Variants in ACSF3 observed in about 807,000 individuals in gnomAD.
ACSF3 encodes the protein acyl-CoA synthetase family member 3, also known as malonate--CoA ligase ACSF3, mitochondrial.
In ACSF3, 78 loss-of-function variants were observed where a neutral mutation model predicts 53.2. The ratio of observed to expected loss-of-function variants is 1.47; its 90% confidence interval spans 1.22 to 1.77. ACSF3 has a LOEUF of 1.77. ACSF3 is among the 40% of genes most tolerant of loss of function. The pLI, the probability that ACSF3 is intolerant of heterozygous loss-of-function variation, is 0.00. For synonymous variants in ACSF3, 414 were observed against 333.1 expected (o/e 1.24, Z -2.65); for missense variants, 937 against 771.1 (o/e 1.22, Z -2.55).
At chr16:89,102,535 G>A (rs1247765389) in intron 3 of ACSF3, 69 bp from the exon 4 acceptor site, 25 of 1,586,244 alleles carry the variant, frequency 1.6e-5, no homozygotes, top group South Asian at 1.3e-4. Flanking sequence ...CCGTGAGCCC[G>A]AGGTCTGTGT....
chr16:89,136,064 T>C (rs1910396507), intron 8 of ACSF3, among the ~76,000 whole-genome samples: 1 of 152,280 alleles, frequency 6.6e-6, no homozygotes, highest in African/African-American at 2.4e-5. Flanking sequence ...CGTCAGCCAC[T>C]GCGTCTGGCC....
Position 89,154,262 on chromosome 16 carries a change from C to T in ACSF3, c.*55C>T. ...GGGAGCAGCAGACGTCCCCTTCACACCGAGAACCACGGGGGCCCGTCCAAG... is the reference window on the plus strand; with the variant it reads ...GGGAGCAGCAGACGTCCCCTTCACATCGAGAACCACGGGGGCCCGTCCAAG... On this transcript the variant is annotated 3_prime_UTR_variant, in exon 11 of 11. Transcript: ENST00000614302. The T allele has an allele frequency of 6.4e-7, 1 of 1,550,900 alleles. No individual in the cohort carries two copies. Among genetic ancestry groups the T allele is most frequent in the Non-Finnish European group, 8.8e-7 (1 of 1,131,240 alleles).
chr16:89,132,087 C>T (rs374414141), intron 7 of ACSF3, among the ~76,000 whole-genome samples: 1 of 152,394 alleles, frequency 6.6e-6, no homozygotes, highest in East Asian at 1.9e-4. Context: ...CAGAGGCTGC[C>T]ATGGGGCAGT....
chr16:89,114,222 T>G, intron 5 of ACSF3, 117 bp from the exon 6 acceptor site: 2 of 1,442,840 alleles, frequency 1.4e-6, no homozygotes, highest in Non-Finnish European at 1.9e-6. Context: ...CCTGCACTCG[T>G]GAAGGAGCTG....
intron 4 of ACSF3, among the ~76,000 whole-genome samples, chr16:89,109,051 G>GGT (rs1322220655): frequency 6.6e-6 from 1 of 151,824 alleles, no homozygotes; most frequent in Non-Finnish European, 1.5e-5. Flanking sequence ...TGACCAACAG[G>GGT]GTGAAACCCT....
chr16:89,097,465 G>A lies in ACSF3; in HGVS notation c.-193-1126G>A, dbSNP rs1008048023. 5.3e-5 allele frequency among the ~76,000 whole-genome samples: 8 copies of A among 152,362 alleles called. No individual in the cohort carries two copies. In the South Asian group the frequency reaches 1.2e-3, roughly 24 times the overall value. On this transcript the variant is annotated intron_variant, in intron 1 of 10. Coordinates refer to ENST00000614302, the MANE Select transcript of ACSF3 (RefSeq NM_001243279.3). Reference sequence around the variant, plus strand: ...GGCACTCCCTGTGGCTCTCAGCAGCGGAAGTCTGGCCTCGGGGCCGTAACC... The same window carrying A: ...GGCACTCCCTGTGGCTCTCAGCAGCAGAAGTCTGGCCTCGGGGCCGTAACC...
At chr16:89,118,929 TC>T (rs1905889512) in intron 6 of ACSF3, among the ~76,000 whole-genome samples, 1 of 152,154 alleles carries the variant, frequency 6.6e-6, no homozygotes, top group South Asian at 2.1e-4. Flanking sequence ...CTCTGTCCAC[TC>T]TCTTGAGCTC....
intron 8 of ACSF3, among the ~76,000 whole-genome samples, chr16:89,137,203 A>T (rs528906074): frequency 6.0e-4 from 92 of 152,178 alleles, no homozygotes; most frequent in African/African-American, 2.1e-3. Flanking sequence ...AAACCTGATA[A>T]CCGAACTCCT....
intron 8 of ACSF3, among the ~76,000 whole-genome samples, chr16:89,134,196 G>T (rs1909940775): frequency 6.6e-6 from 1 of 152,186 alleles, no homozygotes; most frequent in South Asian, 2.1e-4. Context: ...CTTCCAAGAT[G>T]GTGGCAAGCG....
rs534594073 is a variant in ACSF3, at chr16:89,100,734, C to T, written c.53C>T (p.Ser18Phe). Residue 18 changes from serine to phenylalanine, a missense_variant, in exon 3 of 11, where the codon TCC becomes TTC. Ser to Phe is a radical substitution (Grantham distance 155). Coordinates refer to ENST00000614302, the MANE Select transcript of ACSF3 (RefSeq NM_001243279.3). The part of the protein sequence containing the change: ...TFRRLGCALA[S>F]CRLAPARHRG... Reference sequence around the variant, plus strand: ...CGGCGCCTGGGCTGCGCCTTGGCGTCCTGCCGGCTGGCGCCTGCGAGACAC... The same window carrying T: ...CGGCGCCTGGGCTGCGCCTTGGCGTTCTGCCGGCTGGCGCCTGCGAGACAC... 2 of 1,605,006 alleles carry T rather than the reference C, an allele frequency of 1.2e-6. No homozygotes were observed. Among genetic ancestry groups the T allele is most frequent in the South Asian group, 1.1e-5 (1 of 91,054 alleles).
At chr16:89,127,316 G>A (rs1908333482) in intron 7 of ACSF3, among the ~76,000 whole-genome samples, 1 of 151,816 alleles carries the variant, frequency 6.6e-6, no homozygotes, top group South Asian at 2.1e-4. Context: ...AATGATTGGT[G>A]GAATTCACCA....
intron 10 of ACSF3, among the ~76,000 whole-genome samples, chr16:89,146,992 T>C (rs1913083344): frequency 6.6e-6 from 1 of 152,006 alleles, no homozygotes. Flanking sequence ...TTTTTTAATT[T>C]ATAAAGAAAC....
In ACSF3 at chr16:89,155,584, C is replaced by A. The variant is rs1034142853; in HGVS notation, c.*1377C>A. 2 of 454,006 alleles carry A rather than the reference C, an allele frequency of 4.4e-6. No homozygotes were observed. Among genetic ancestry groups the A allele is most frequent in the Non-Finnish European group, 8.8e-6 (2 of 226,796 alleles). 28.1% of individuals were successfully genotyped at this position (454,006 alleles called of 1,614,324 possible). ...GCCTTGTGCATCCCCATGGCCTGACCCCGGGAACAGTCAGAGGAAGGGGTC... is the reference window on the plus strand; with the variant it reads ...GCCTTGTGCATCCCCATGGCCTGACACCGGGAACAGTCAGAGGAAGGGGTC... On this transcript the variant is annotated 3_prime_UTR_variant, in exon 11 of 11. Transcript: ENST00000614302.
At chr16:89,108,209 G>A (rs1976244373) in intron 4 of ACSF3, among the ~76,000 whole-genome samples, 2 of 152,084 alleles carry the variant, frequency 1.3e-5, no homozygotes, top group Non-Finnish European at 2.9e-5. Context: ...TTGAGATTTG[G>A]GTGGGGATGC....
chr16:89,136,778 G>C (rs1426522534), intron 8 of ACSF3: 1 of 1,287,298 alleles, frequency 7.8e-7, no homozygotes, highest in Non-Finnish European at 1.0e-6. Flanking sequence ...GCGGGCTTGT[G>C]AGGCCAGGGG....
intron 4 of ACSF3, 110 bp downstream of exon 4, chr16:89,102,869 G>A: frequency 6.7e-7 from 1 of 1,494,988 alleles, no homozygotes; most frequent in Non-Finnish European, 9.1e-7. Context: ...CGCTGGTTGG[G>A]GTCAGGGCTC....
At chr16:89,100,523 C>T (rs1374229019) in intron 2 of ACSF3, 139 bp from the exon 3 acceptor site, 1 of 831,696 alleles carries the variant, frequency 1.2e-6, no homozygotes, top group Non-Finnish European at 1.9e-6. Flanking sequence ...TGGACGTGGC[C>T]TGTCTGGTGC....
chr16:89,108,356 A>G (rs1286020005), intron 4 of ACSF3, among the ~76,000 whole-genome samples: 2 of 152,176 alleles, frequency 1.3e-5, no homozygotes, highest in Admixed American at 6.5e-5. Flanking sequence ...AGCCTGGAGA[A>G]CTTCTTTTCA....
chr16:89,139,134 C>T (rs1173159045), intron 8 of ACSF3, among the ~76,000 whole-genome samples: 2 of 152,202 alleles, frequency 1.3e-5, no homozygotes, highest in African/African-American at 2.4e-5. Flanking sequence ...ATGGAGTCGC[C>T]GCTGAGAACT....
Sources: gnomAD v4.1 joint callset for allele counts (sites outside exome capture counted in the v4.1 genomes callset) on GRCh38, gnomAD v4.1.1 for gene constraint, MANE v1.5 for transcripts, NCBI Gene and HGNC (gene_info 2026-07-23, HGNC 2026-07-21) for gene names.